The following ABLIM1 variants were observed in gnomAD, a reference collection of about 807,000 sequenced individuals.
ABLIM1 encodes the protein actin binding LIM protein 1.
In ABLIM1, 40 loss-of-function variants were observed where a neutral mutation model predicts 107.0. That is an observed-to-expected ratio of 0.37 (90% CI 0.29 to 0.49). The LOEUF (loss-of-function observed/expected upper bound fraction) is 0.49, where lower values mean the gene tolerates loss of function less well. Among genes scored for constraint, ABLIM1 ranks in the 20% least tolerant of loss-of-function variants. The pLI is 0.97. For missense variants in ABLIM1, 857 were observed against 1,008.5 expected (o/e 0.85, Z 2.04); for synonymous variants, 357 against 357.3 (o/e 1.00, Z 0.01).
At chr10:114,557,671 G>GTTTTGTTTTTTTT (rs1555173409) in intron 4 of ABLIM1, among the ~76,000 whole-genome samples, 1 of 72,484 alleles carries the variant, frequency 1.4e-5, no homozygotes. Flanking sequence ...ATAGTGAGGT[G>GTTTTGTTTTTTTT]TTTTTTTTTT....
chr10:114,449,909 C>T (rs1589786119), intron 14 of ABLIM1, among the ~76,000 whole-genome samples: 1 of 152,146 alleles, frequency 6.6e-6, no homozygotes, highest in African/African-American at 2.4e-5. Flanking sequence ...TTAATTATAA[C>T]AGCCTGAAAG....
the ABLIM1 span, among the ~76,000 whole-genome samples, chr10:114,786,048 T>C: frequency 6.6e-6 from 1 of 152,166 alleles, no homozygotes; most frequent in African/African-American, 2.4e-5. Context: ...TTTATAAGAG[T>C]ATCAATATAA....
chr10:114,547,995 C>T (rs1042309003), intron 4 of ABLIM1, among the ~76,000 whole-genome samples: 3 of 152,190 alleles, frequency 2.0e-5, no homozygotes, highest in Non-Finnish European at 4.4e-5. Context: ...CATGAACCTC[C>T]GTGGATCTAC....
chr10:114,518,363 T>A (rs1274530496), intron 6 of ABLIM1, among the ~76,000 whole-genome samples: 1 of 152,050 alleles, frequency 6.6e-6, no homozygotes, highest in Non-Finnish European at 1.5e-5. Context: ...TAAGTACACT[T>A]CTTTGTACTT....
intron 8 of ABLIM1, among the ~76,000 whole-genome samples, chr10:114,483,547 G>C (rs2057716744): frequency 2.0e-5 from 3 of 152,158 alleles, no homozygotes; most frequent in Non-Finnish European, 4.4e-5. Flanking sequence ...GACGTGCTGG[G>C]ATTACAGGCA....
chr10:114,671,071 T>TA (rs1303088473), intron 1 of ABLIM1, among the ~76,000 whole-genome samples: 2 of 152,188 alleles, frequency 1.3e-5, no homozygotes, highest in Non-Finnish European at 2.9e-5. Flanking sequence ...AAGGTTTCCT[T>TA]ACACCCTTTT....
intron 1 of ABLIM1, among the ~76,000 whole-genome samples, chr10:114,740,813 G>A (rs968125759): frequency 6.6e-6 from 1 of 152,020 alleles, no homozygotes; most frequent in African/African-American, 2.4e-5. Flanking sequence ...GGAGGCTGAG[G>A]CAGGAGGATC....
Position 114,729,167 on chromosome 10 carries a change from A to G in ABLIM1, c.-213+38894T>C, listed in dbSNP as rs553204147. On this transcript the variant is annotated intron_variant, in intron 1 of 15. Coordinates refer to the ABLIM1 transcript ENST00000651092. ...TGAGGCCTAGGGAAAGTACTTGACC[A>G]AGGTCTCACAGTGAGCAAGTAGCAG... Among the ~76,000 whole-genome samples the G allele has an allele frequency of 2.6e-5, 4 of 152,230 alleles. No homozygotes were observed. In the South Asian group the frequency reaches 8.3e-4, roughly 32 times the overall value.
chr10:114,733,779 TG>T (rs2082123652), intron 1 of ABLIM1, among the ~76,000 whole-genome samples: 1 of 152,194 alleles, frequency 6.6e-6, no homozygotes, highest in Non-Finnish European at 1.5e-5. Flanking sequence ...TCTATAAAAA[TG>T]TTTCTGGCAT....
chr10:114,548,754 T>C (rs765916874), intron 4 of ABLIM1, among the ~76,000 whole-genome samples: 2 of 152,188 alleles, frequency 1.3e-5, no homozygotes, highest in Non-Finnish European at 2.9e-5. Context: ...TCCACATCAA[T>C]GTACCTGAGA....
the ABLIM1 span, among the ~76,000 whole-genome samples, chr10:114,791,076 CA>C: frequency 2.0e-5 from 3 of 151,872 alleles, no homozygotes; most frequent in African/African-American, 7.3e-5. Flanking sequence ...TTTATTTATT[CA>C]TTTATTTATT....
chr10:114,584,135 A>AGAAAG (rs141462363), intron 2 of ABLIM1, among the ~76,000 whole-genome samples: 1 of 149,198 alleles, frequency 6.7e-6, no homozygotes, highest in Admixed American at 6.7e-5. Context: ...AAAATTAAGA[A>AGAAAG]AAAAGAAAAG....
At chr10:114,577,058 T>C (rs774090735) in intron 2 of ABLIM1, among the ~76,000 whole-genome samples, 7 of 152,172 alleles carry the variant, frequency 4.6e-5, no homozygotes, top group Non-Finnish European at 7.4e-5. Flanking sequence ...TGCAAATTCC[T>C]TCAGCAACAA....
At chr10:114,607,494 A>T (rs975004075) in intron 1 of ABLIM1, among the ~76,000 whole-genome samples, 3 of 152,342 alleles carry the variant, frequency 2.0e-5, no homozygotes, top group Admixed American at 2.0e-4. Flanking sequence ...AGGAAGAAAA[A>T]AATGACTAAC....
At chr10:114,491,960 G>A (rs2059059630) in intron 6 of ABLIM1, 82 bp from the exon 7 acceptor site, 12 of 1,130,548 alleles carry the variant, frequency 1.1e-5, no homozygotes, top group Non-Finnish European at 1.5e-5. Context: ...TGATTTAGAA[G>A]AAAAGAGAGG....
intron 4 of ABLIM1, among the ~76,000 whole-genome samples, chr10:114,550,239 A>G (rs920701956): frequency 6.6e-6 from 1 of 152,302 alleles, no homozygotes; most frequent in Non-Finnish European, 1.5e-5. Context: ...ATGAATTCCA[A>G]CATCTGACCA....
chr10:114,476,353 A>G (rs920489726), intron 8 of ABLIM1, among the ~76,000 whole-genome samples: 1 of 152,146 alleles, frequency 6.6e-6, no homozygotes, highest in Non-Finnish European at 1.5e-5. Flanking sequence ...TATTCAAGAA[A>G]TGTGCAGGCT....
intron 6 of ABLIM1, among the ~76,000 whole-genome samples, chr10:114,509,617 T>C (rs770245664): frequency 6.6e-6 from 1 of 152,200 alleles, no homozygotes; most frequent in Admixed American, 6.5e-5. Context: ...TGTCTTCCCA[T>C]TGCCTACTGA....
intron 4 of ABLIM1, among the ~76,000 whole-genome samples, chr10:114,557,245 C>CT (rs1453300552): frequency 2.0e-5 from 3 of 152,234 alleles, no homozygotes; most frequent in Admixed American, 2.0e-4. Context: ...GTCAGTGGCT[C>CT]ACCTTGCTGT....
Sources: allele counts gnomAD v4.1 joint callset (sites outside exome capture counted in the v4.1 genomes callset), GRCh38; gene constraint gnomAD v4.1.1; transcripts MANE v1.5; gene names NCBI Gene and HGNC (gene_info 2026-07-23, HGNC 2026-07-21).